APELA: variants seen among roughly 807,000 people sequenced by gnomAD.
APELA encodes the protein protein Elabela.
rs935277779 is a variant in APELA at position 164,878,869 on chromosome 4, A to G, written c.77-51A>G. On this transcript the variant is annotated intron_variant, in intron 1 of 2. Coordinates refer to ENST00000507152, the MANE Select transcript of APELA (RefSeq NM_001297550.2). ...ATGTTTGCATTGTCTAGATTAAACA[A>G]CAATTAAGCCTCTGAAAAATGCTCC... 5 of 398,886 alleles carry G rather than the reference A, an allele frequency of 1.3e-5. No individual in the cohort carries two copies. The East Asian group carries it at 1.8e-4, about 14-fold the overall frequency. The allele number at this position is 398,886 out of a possible 1,614,324, so 24.7% of individuals were successfully genotyped here.
rs779651862 is a variant in APELA, at chr4:164,895,067, C to T, written c.*2-349C>T. On this transcript the variant is annotated intron_variant, in intron 2 of 2. Transcript: ENST00000507152. ...CCTAGGGAAACATTGACACCAGTGG[C>T]GCACACCTGTAATCCTAGCTATTCA... Among the ~76,000 whole-genome samples, 66 of 152,102 alleles carry T rather than the reference C, an allele frequency of 4.3e-4. 1 individual carries two copies. Among genetic ancestry groups the T allele is most frequent in the Non-Finnish European group, 2.5e-4 (17 of 67,996 alleles).
At chr4:164,892,194 C>A (rs971402859) in intron 2 of APELA, among the ~76,000 whole-genome samples, 1 of 151,986 alleles carries the variant, frequency 6.6e-6, no homozygotes, top group African/African-American at 2.4e-5. Flanking sequence ...CATGCACCTA[C>A]GGTCCCAGCT....
chr4:164,880,200 T>C (rs1730630535), intron 2 of APELA, among the ~76,000 whole-genome samples: 1 of 152,222 alleles, frequency 6.6e-6, no homozygotes, highest in Non-Finnish European at 1.5e-5. Context: ...TACGGTTCCA[T>C]TCATTCAGTG....
intron 2 of APELA, among the ~76,000 whole-genome samples, chr4:164,895,096 G>A (rs1426364862): frequency 6.6e-6 from 1 of 152,196 alleles, no homozygotes; most frequent in Non-Finnish European, 1.5e-5. Flanking sequence ...CTATTCAGGA[G>A]GCTGGGGCAT....
At chr4:164,883,147 T>C (rs988475033) in intron 2 of APELA, among the ~76,000 whole-genome samples, 4 of 152,170 alleles carry the variant, frequency 2.6e-5, no homozygotes, top group African/African-American at 7.2e-5. Context: ...ATCTTCATCC[T>C]TCTCACTCCA....
At chr4:164,878,196 A>AGAAAGAAAGAAAGAAAGAAAGAAAGAAAG (rs1553970694) in intron 1 of APELA, among the ~76,000 whole-genome samples, 11 of 143,470 alleles carry the variant, frequency 7.7e-5, no homozygotes, top group Middle Eastern at 3.6e-3. Flanking sequence ...AGAAACAGAA[A>AGAAAGAAAGAAAGAAAGAAAGAAAGAAAG]AAAGAAAGAA....
At chr4:164,881,935 G>T (rs1446247748) in intron 2 of APELA, among the ~76,000 whole-genome samples, 2 of 151,680 alleles carry the variant, frequency 1.3e-5, no homozygotes, top group Non-Finnish European at 2.9e-5. Context: ...GCTATTTGGG[G>T]GGCTGAGGCC....
At chr4:164,887,079 C>A (rs541515805) in intron 2 of APELA, among the ~76,000 whole-genome samples, 1 of 152,270 alleles carries the variant, frequency 6.6e-6, no homozygotes, top group East Asian at 1.9e-4. Context: ...CTTCCCACCT[C>A]AGCCTCATAA....
chr4:164,893,589 T>C (rs1201923209), intron 2 of APELA, among the ~76,000 whole-genome samples: 3 of 152,186 alleles, frequency 2.0e-5, no homozygotes, highest in Non-Finnish European at 4.4e-5. Flanking sequence ...ATTTTTGTCT[T>C]AATTTTTAAA....
At chr4:164,881,476 C>T (rs1342175054) in intron 2 of APELA, among the ~76,000 whole-genome samples, 1 of 152,078 alleles carries the variant, frequency 6.6e-6, no homozygotes, top group Non-Finnish European at 1.5e-5. Flanking sequence ...TGATCCCAGC[C>T]TATGCAACTG....
Position 164,879,002 on chromosome 4 carries a change from T to C in APELA, c.159T>C (p.Phe53=), listed in dbSNP as rs4541465. 228,700 of 398,648 alleles carry C rather than the reference T, an allele frequency of 0.57. 66,306 individuals carry two copies. Among genetic ancestry groups the C allele is most frequent in the African/African-American group, 0.66 (31,885 of 48,636 alleles). 24.7% of individuals were successfully genotyped at this position (398,648 alleles called of 1,614,324 possible). The change falls in exon 2 of 3, where the codon TTT becomes TTC. Residue 53 remains phenylalanine, a synonymous_variant. Transcript: ENST00000507152. ...RCMPLHSRVP[F]P ...TGCCTCTCCATTCACGAGTACCCTT[T>C]CCCTGAGGTATTTCTGACAGAAAAT...
At chr4:164,882,101 T>A (rs181242127) in intron 2 of APELA, among the ~76,000 whole-genome samples, 36 of 152,104 alleles carry the variant, frequency 2.4e-4, no homozygotes, top group East Asian at 7.7e-4. Flanking sequence ...CTTTTTTTTT[T>A]AATTTATTTT....
chr4:164,898,949 C>T (rs1731025502), downstream of APELA: 3 of 152,048 alleles, frequency 2.0e-5, no homozygotes, highest in Admixed American at 2.0e-4. Flanking sequence ...AAAATAAAAA[C>T]TAACACCCAC....
rs1192002910 is a variant in APELA at position 164,878,946 on chromosome 4, C to CGCA, written c.104_106dup (p.Arg35_Lys36insSer). On this transcript the variant is annotated inframe_insertion, in exon 2 of 3. Coordinates refer to ENST00000507152, the MANE Select transcript of APELA (RefSeq NM_001297550.2). Reference sequence around the variant, plus strand: ...TAATTTGACCATGAGAAGAAAACTGCGCAAACACAATTGCCTTCAGAGGAG... The same window carrying CGCA: ...TAATTTGACCATGAGAAGAAAACTGCGCAGCAAACACAATTGCCTTCAGAGGAG... The CGCA allele has an allele frequency of 2.5e-6, 1 of 398,824 alleles. No homozygotes were observed. Among genetic ancestry groups the CGCA allele is most frequent in the African/African-American group, 2.1e-5 (1 of 48,638 alleles). The allele number at this position is 398,824 out of a possible 1,614,324, so 24.7% of individuals were successfully genotyped here.
At chr4:164,878,212 GA>G (rs1461151924) in intron 1 of APELA, among the ~76,000 whole-genome samples, 1 of 150,030 alleles carries the variant, frequency 6.7e-6, no homozygotes, top group Admixed American at 6.7e-5. Context: ...AAGAAAGAAA[GA>G]AAGAAAGAAA....
intron 2 of APELA, among the ~76,000 whole-genome samples, chr4:164,880,089 T>G (rs1019299703): frequency 1.3e-5 from 2 of 152,238 alleles, no homozygotes; most frequent in Non-Finnish European, 1.5e-5. Context: ...TCATTTAAGA[T>G]ATAGCTTCCT....
chr4:164,892,269 T>G (rs913533065), intron 2 of APELA, among the ~76,000 whole-genome samples: 11 of 152,140 alleles, frequency 7.2e-5, no homozygotes, highest in African/African-American at 2.4e-4. Context: ...CTGAGTGAGC[T>G]GTGATCAAAC....
At chr4:164,885,303 G>A (rs557302902) in intron 2 of APELA, among the ~76,000 whole-genome samples, 2 of 152,030 alleles carry the variant, frequency 1.3e-5, no homozygotes, top group Non-Finnish European at 2.9e-5. Context: ...GCTAATTTGG[G>A]TATTTTTAGT....
intron 2 of APELA, among the ~76,000 whole-genome samples, chr4:164,880,152 C>G (rs1298699054): frequency 1.3e-5 from 2 of 152,170 alleles, no homozygotes; most frequent in African/African-American, 4.8e-5. Context: ...CAGGCAATGG[C>G]AAAATTAGCT....
Sources: allele counts gnomAD v4.1 joint callset (sites outside exome capture counted in the v4.1 genomes callset), GRCh38; gene constraint gnomAD v4.1.1; transcripts MANE v1.5; gene names NCBI Gene and HGNC (gene_info 2026-07-23, HGNC 2026-07-21).